Variants in MARCHF8 observed in about 807,000 individuals in gnomAD.
MARCHF8 encodes membrane associated ring-CH-type finger 8.
MARCHF8 carries 40 observed loss-of-function variants against 51.6 expected under a neutral mutation model. That is an observed-to-expected ratio of 0.77 (90% CI 0.60 to 1.01). MARCHF8 has a LOEUF of 1.01. MARCHF8 is among the 50% of genes least tolerant of loss of function. MARCHF8 has a pLI of 0.00. For missense variants in MARCHF8, 685 were observed against 708.6 expected (o/e 0.97, Z 0.38); for synonymous variants, 263 against 280.3 (o/e 0.94, Z 0.62).
chr10:45,551,151 C>G (rs1335111014), intron 1 of MARCHF8, among the ~76,000 whole-genome samples: 1 of 152,146 alleles, frequency 6.6e-6, no homozygotes, highest in African/African-American at 2.4e-5. Flanking sequence ...CCTAGATATA[C>G]AATGAGAGTA....
chr10:45,515,973 T>C (rs12772485), intron 2 of MARCHF8, among the ~76,000 whole-genome samples: 9,375 of 152,278 alleles, frequency 0.062, 330 homozygotes, highest in Non-Finnish European at 0.066. Flanking sequence ...CGAGATTTCA[T>C]GTCCACCAGA....
At position 45,458,400 on chromosome 10, in the gene MARCHF8, G is replaced by A. The variant is rs754752308; in HGVS notation, c.1561C>T (p.Gln521Ter). ...TTTTTGCTTGTTTCTGGACAGTTTT[G>A]AACATAGATCACTCTATTATAGGCC... ...LKAYNRVIYV[Q>*]NCPETSKKNI... The change falls in exon 8 of 8, where the codon CAA (glutamine) becomes TAA (stop). Residue 521 changes from glutamine (Q) to a stop codon, truncating the protein, a stop_gained. Coordinates refer to ENST00000453424, the MANE Select transcript of MARCHF8 (RefSeq NM_001282866.2). LOFTEE classifies it high-confidence loss of function. The A allele has an allele frequency of 8.7e-6, 14 of 1,614,080 alleles. No homozygotes were observed. The highest frequency in any genetic ancestry group is 1.2e-5 in the Non-Finnish European group (14 of 1,180,004).
chr10:45,556,942 G>A (rs978617502), intron 1 of MARCHF8, among the ~76,000 whole-genome samples: 6 of 151,926 alleles, frequency 3.9e-5, no homozygotes, highest in Non-Finnish European at 8.8e-5. Context: ...AAAAATGGTT[G>A]TTTTTTTCTT....
At chr10:45,547,279 G>A (rs2044138314) in intron 1 of MARCHF8, among the ~76,000 whole-genome samples, 1 of 152,172 alleles carries the variant, frequency 6.6e-6, no homozygotes, top group Non-Finnish European at 1.5e-5. Context: ...TAAATCTTAA[G>A]TATTTTACAT....
At chr10:45,531,668 C>T (rs1429982652) in intron 2 of MARCHF8, among the ~76,000 whole-genome samples, 3 of 152,084 alleles carry the variant, frequency 2.0e-5, no homozygotes, top group African/African-American at 4.8e-5. Flanking sequence ...GTATTGAGTA[C>T]TGTATAAAAG....
At chr10:45,468,303 T>C (rs1226842174) in intron 3 of MARCHF8, among the ~76,000 whole-genome samples, 1 of 152,224 alleles carries the variant, frequency 6.6e-6, no homozygotes, top group Non-Finnish European at 1.5e-5. Flanking sequence ...GGAGCAGCTA[T>C]AGCAGTGTGT....
chr10:45,530,784 A>C lies in MARCHF8; in HGVS notation c.102+2326T>G, dbSNP rs778824683. ...CAAGATCTGTACTCAAAAATAAGTA[A>C]AAAATAATAACAAAAATGAAAATAA... On this transcript the variant is annotated intron_variant, in intron 2 of 7. Transcript: ENST00000453424. Among the ~76,000 whole-genome samples the C allele has an allele frequency of 6.2e-4, 94 of 152,298 alleles. 2 individuals carry two copies. The Middle Eastern group carries it at 0.027, about 44-fold the overall frequency.
In MARCHF8 at chr10:45,458,335, A is replaced by G. The variant is rs759881421; in HGVS notation, c.1626T>C (p.Phe542=). 1 of 1,614,134 alleles carries G rather than the reference A, an allele frequency of 6.2e-7. No individual in the cohort carries two copies. The highest frequency in any genetic ancestry group is 8.5e-7 in the Non-Finnish European group (1 of 1,180,028). The change falls in exon 8 of 8, where the codon TTT becomes TTC. Residue 542 remains phenylalanine, a synonymous_variant. Coordinates refer to ENST00000453424, the MANE Select transcript of MARCHF8 (RefSeq NM_001282866.2). ...FEKSPLTEPN[F]ENKHGYGICH... ...AGATTCCATATCCATGTTTATTTTC[A>G]AAGTTGGGCTCTGTTAGTGGAGATT...
intron 2 of MARCHF8, among the ~76,000 whole-genome samples, chr10:45,524,008 G>A (rs953248241): frequency 3.9e-5 from 6 of 152,144 alleles, no homozygotes; most frequent in South Asian, 2.1e-4. Context: ...AGCTGGAATC[G>A]ATATTGTTGG....
chr10:45,461,274 T>C lies in MARCHF8; in HGVS notation c.1226A>G (p.Lys409Arg). Residue 409 changes from lysine to arginine, a missense_variant, in exon 6 of 8, where the codon AAG becomes AGG. Transcript: ENST00000453424. ...CTTGGTCTCCATGATGAACTCATAC[T>C]TGCAGAGCTCGCAGCAGCGCGTGTC... ...SSDTRCCELCKYEFIMETKLK... is the reference protein window; with the variant it reads ...SSDTRCCELCRYEFIMETKLK... 1 of 1,592,086 alleles carries C rather than the reference T, an allele frequency of 6.3e-7. No homozygotes were observed. The highest frequency in any genetic ancestry group is 8.5e-7 in the Non-Finnish European group (1 of 1,170,054).
chr10:45,505,229 C>T (rs1589130718), intron 2 of MARCHF8, among the ~76,000 whole-genome samples: 1 of 152,150 alleles, frequency 6.6e-6, no homozygotes, highest in East Asian at 1.9e-4. Context: ...TCTCCTTTAC[C>T]TTCCCCTGAA....
At chr10:45,459,963 A>C (rs2132911499) in intron 6 of MARCHF8, 1 of 878,230 alleles carries the variant, frequency 1.1e-6, no homozygotes, top group South Asian at 5.2e-5. Context: ...TGCCAACCCT[A>C]GTCACAGCCT....
At chr10:45,519,784 G>A (rs1476255390) in intron 2 of MARCHF8, among the ~76,000 whole-genome samples, 1 of 152,206 alleles carries the variant, frequency 6.6e-6, no homozygotes, top group Non-Finnish European at 1.5e-5. Context: ...ACGGCTGCCT[G>A]AAATACAGCA....
chr10:45,586,877 T>C (rs1403422313), intron 1 of MARCHF8, among the ~76,000 whole-genome samples: 1 of 152,152 alleles, frequency 6.6e-6, no homozygotes, highest in African/African-American at 2.4e-5. Flanking sequence ...GATACATAAA[T>C]TGCCAACATT....
chr10:45,569,917 C>T (rs181409247), intron 1 of MARCHF8, among the ~76,000 whole-genome samples: 5 of 151,962 alleles, frequency 3.3e-5, no homozygotes, highest in African/African-American at 4.8e-5. Flanking sequence ...TATAAAGACA[C>T]GGGTTAAAAT....
chr10:45,463,590 A>T lies in MARCHF8; in HGVS notation c.649T>A (p.Cys217Ser), dbSNP rs1424268966. The change falls in exon 5 of 8, where the codon TGT (cysteine) becomes AGT (serine). Residue 217 changes from cysteine (C) to serine (S), a missense_variant. Transcript: ENST00000453424. ...CGACCGGCAGAAAGGCATGAAACAC[A>T]AGAATGTTTGGAATTGCCAAGAGGT... ...HKPLGNSKHSCVSCLSAGRST... is the reference protein window; with the variant it reads ...HKPLGNSKHSSVSCLSAGRST... The T allele has an allele frequency of 2.6e-6, 4 of 1,550,528 alleles. No homozygotes were observed. The highest frequency in any genetic ancestry group is 3.9e-5 in the Admixed American group (2 of 50,994).
chr10:45,478,197 C>A (rs2042821265), intron 3 of MARCHF8, among the ~76,000 whole-genome samples: 1 of 152,124 alleles, frequency 6.6e-6, no homozygotes, highest in Admixed American at 6.5e-5. Context: ...AAATTGAAAT[C>A]ATGTCAAGTA....
At chr10:45,459,350 T>G in intron 6 of MARCHF8, 83 bp from the exon 7 acceptor site, 1 of 1,454,680 alleles carries the variant, frequency 6.9e-7, no homozygotes, top group Non-Finnish European at 9.3e-7. Context: ...TAGGTAAGAT[T>G]GGCTTTCCAC....
At chr10:45,592,685 A>G (rs1424923970) in intron 1 of MARCHF8, among the ~76,000 whole-genome samples, 2 of 152,160 alleles carry the variant, frequency 1.3e-5, no homozygotes, top group Non-Finnish European at 2.9e-5. Context: ...ACCAGACGCT[A>G]CTACTGACAA....
Sources: gnomAD v4.1 joint callset for allele counts (sites outside exome capture counted in the v4.1 genomes callset) on GRCh38, gnomAD v4.1.1 for gene constraint, MANE v1.5 for transcripts, NCBI Gene and HGNC (gene_info 2026-07-23, HGNC 2026-07-21) for gene names.